The following PPP1R16B variants were observed in gnomAD, a reference collection of about 807,000 sequenced individuals.
PPP1R16B encodes protein phosphatase 1 regulatory inhibitor subunit 16B.
PPP1R16B carries 14 observed loss-of-function variants against 61.7 expected under a neutral mutation model. That is an observed-to-expected ratio of 0.23 (90% CI 0.15 to 0.35). The LOEUF (loss-of-function observed/expected upper bound fraction) is 0.35, where lower values mean the gene tolerates loss of function less well. Ranked by LOEUF, PPP1R16B falls within the 10% of genes least tolerant of loss-of-function variation. PPP1R16B has a pLI of 1.00. For missense variants in PPP1R16B, 547 were observed against 752.5 expected (o/e 0.73, Z 3.19); for synonymous variants, 266 against 305.3 (o/e 0.87, Z 1.34).
chr20:38,910,540 T>G (rs2085480206), intron 10 of PPP1R16B, among the ~76,000 whole-genome samples: 1 of 105,808 alleles, frequency 9.5e-6, no homozygotes, highest in Admixed American at 9.5e-5. Context: ...TTTTTTTTTG[T>G]TTTTTTTTTT....
chr20:38,810,092 T>C (rs1253447671), intron 1 of PPP1R16B, among the ~76,000 whole-genome samples: 3 of 152,198 alleles, frequency 2.0e-5, no homozygotes, highest in Admixed American at 2.0e-4. Flanking sequence ...ATTAGTCTAT[T>C]ATTGCCAATA....
chr20:38,824,798 A>G (rs1225023974), intron 1 of PPP1R16B, among the ~76,000 whole-genome samples: 1 of 152,268 alleles, frequency 6.6e-6, no homozygotes, highest in African/African-American at 2.4e-5. Context: ...TGAGGCAAAG[A>G]TGGATGGAAT....
intron 2 of PPP1R16B, among the ~76,000 whole-genome samples, chr20:38,872,245 G>A (rs1013988454): frequency 6.6e-6 from 1 of 152,162 alleles, no homozygotes; most frequent in Non-Finnish European, 1.5e-5. Context: ...TGGGTGTGAC[G>A]GCTGGGCAGA....
At chr20:38,841,675 A>T (rs893607315) in intron 2 of PPP1R16B, among the ~76,000 whole-genome samples, 1 of 152,224 alleles carries the variant, frequency 6.6e-6, no homozygotes, top group African/African-American at 2.4e-5. Flanking sequence ...ACATGGAATC[A>T]TACAGTATAT....
At chr20:38,852,081 A>G (rs1296498107) in intron 2 of PPP1R16B, among the ~76,000 whole-genome samples, 3 of 152,234 alleles carry the variant, frequency 2.0e-5, no homozygotes, top group East Asian at 3.8e-4. Flanking sequence ...AGATGCCAGA[A>G]AAAGGGGGCT....
At chr20:38,852,127 G>A (rs181024659) in intron 2 of PPP1R16B, among the ~76,000 whole-genome samples, 90 of 152,296 alleles carry the variant, frequency 5.9e-4, no homozygotes, top group African/African-American at 1.8e-3. Flanking sequence ...TTTAAATATC[G>A]TTCAAGGGAG....
At position 38,905,975 on chromosome 20, in the gene PPP1R16B, A is replaced by G. The variant is rs2085437950; in HGVS notation, c.703A>G (p.Ile235Val). 6.2e-7 allele frequency: 1 copy of G among 1,613,034 alleles called. No individual in the cohort carries two copies. The change falls in exon 7 of 11, where the codon ATA becomes GTA. Residue 235 changes from isoleucine to valine, a missense_variant. By Grantham distance (29) the Ile-to-Val change is conservative. Transcript: ENST00000299824. ...CTTCTTTCCTCTCCTCCAGCTGCACATAGCTGGAGCCAATGGATACCTGCG... is the reference window on the plus strand; with the variant it reads ...CTTCTTTCCTCTCCTCCAGCTGCACGTAGCTGGAGCCAATGGATACCTGCG... Reference protein sequence around the residue: ...IDAQGATLLHIAGANGYLRAA... With the variant: ...IDAQGATLLHVAGANGYLRAA...
intron 2 of PPP1R16B, among the ~76,000 whole-genome samples, chr20:38,858,873 A>G (rs2085027172): frequency 6.6e-6 from 1 of 152,140 alleles, no homozygotes; most frequent in African/African-American, 2.4e-5. Context: ...AGAGGGGAAA[A>G]TTTGTCTCTG....
intron 1 of PPP1R16B, among the ~76,000 whole-genome samples, chr20:38,814,826 A>C (rs2084725181): frequency 6.6e-6 from 1 of 152,146 alleles, no homozygotes; most frequent in Admixed American, 6.6e-5. Context: ...GTTTCCTCAC[A>C]TCCAAGAACA....
intron 2 of PPP1R16B, among the ~76,000 whole-genome samples, chr20:38,857,911 C>T (rs2085019198): frequency 6.6e-6 from 1 of 151,594 alleles, no homozygotes; most frequent in Admixed American, 6.6e-5. Context: ...TCTGAGGCGG[C>T]CAGAAAAAAA....
intron 4 of PPP1R16B, among the ~76,000 whole-genome samples, chr20:38,896,089 T>C: frequency 1.9e-5 from 2 of 107,534 alleles, no homozygotes; most frequent in Non-Finnish European, 3.6e-5. Flanking sequence ...CCTCCCTTTC[T>C]GCCTTTCTTC....
chr20:38,906,283 G>GTTTTT (rs907617949), intron 7 of PPP1R16B, among the ~76,000 whole-genome samples, 189 bp downstream of exon 7: 18 of 101,266 alleles, frequency 1.8e-4, no homozygotes, highest in South Asian at 4.3e-4. Flanking sequence ...AGCAAGTTGT[G>GTTTTT]TTTTTTTTTT....
chr20:38,829,833 TG>T (rs1362686539), intron 1 of PPP1R16B, among the ~76,000 whole-genome samples: 1 of 152,104 alleles, frequency 6.6e-6, no homozygotes, highest in South Asian at 2.1e-4. Context: ...GCGGGTCTAT[TG>T]GGGGAAACTA....
chr20:38,835,834 TGAGGCCCCAGCCCCACCA>T lies in PPP1R16B; in HGVS notation c.-83_-66del, dbSNP rs2084865562. On this transcript the variant is annotated 5_prime_UTR_variant, in exon 2 of 11. Coordinates refer to ENST00000299824, the MANE Select transcript of PPP1R16B (RefSeq NM_015568.4). ...TCCCTCCCTGCCACAGGCCACACCA[TGAGGCCCCAGCCCCACCA>T]GAGGCCCCGCGCTGCCCTGGCCCCC... The T allele has an allele frequency of 2.2e-6, 3 of 1,394,086 alleles. No homozygotes were observed. The highest frequency in any genetic ancestry group is 2.9e-5 in the African/African-American group (2 of 69,090). The allele number at this position is 1,394,086 out of a possible 1,614,324, so 86.4% of individuals were successfully genotyped here. A position where few individuals can be genotyped will look rare whatever the true frequency, so the allele number is the denominator to read the frequency against.
intron 6 of PPP1R16B, among the ~76,000 whole-genome samples, chr20:38,905,525 C>A (rs995162965): frequency 1.3e-5 from 2 of 152,162 alleles, no homozygotes. Context: ...TCAGAAATCA[C>A]AAACAGGATA....
intron 10 of PPP1R16B, among the ~76,000 whole-genome samples, chr20:38,909,145 G>A (rs1013515328): frequency 6.6e-6 from 1 of 152,140 alleles, no homozygotes. Context: ...GGGACTATAG[G>A]CGGGGGCCAT....
intron 2 of PPP1R16B, among the ~76,000 whole-genome samples, chr20:38,853,082 C>T (rs975058031): frequency 2.6e-5 from 4 of 152,052 alleles, no homozygotes; most frequent in African/African-American, 9.7e-5. Context: ...CCACTGTTTC[C>T]TTTCTAATCG....
intron 1 of PPP1R16B, among the ~76,000 whole-genome samples, chr20:38,828,336 G>GT (rs1258127921): frequency 6.6e-6 from 1 of 152,172 alleles, no homozygotes; most frequent in Non-Finnish European, 1.5e-5. Flanking sequence ...GGAAGAGGAG[G>GT]TATTTGGTAA....
chr20:38,900,519 G>A lies in PPP1R16B; in HGVS notation c.468-62G>A, dbSNP rs949611638. 7 of 1,347,594 alleles carry A rather than the reference G, an allele frequency of 5.2e-6. No individual in the cohort carries two copies. The African/African-American group carries it at 1.0e-4, about 20-fold the overall frequency. 83.5% of individuals were successfully genotyped at this position (1,347,594 alleles called of 1,614,324 possible). ...ATTGCAGGCGAGAGGCCAGAGGGCA[G>A]AGGCAGCTAGACCAACCCTAGCCAC... On this transcript the variant is annotated intron_variant, in intron 4 of 10. Transcript: ENST00000299824.
Sources: gnomAD v4.1 joint callset for allele counts (sites outside exome capture counted in the v4.1 genomes callset) on GRCh38, gnomAD v4.1.1 for gene constraint, MANE v1.5 for transcripts, NCBI Gene and HGNC (gene_info 2026-07-23, HGNC 2026-07-21) for gene names.